Variants in PATJ observed in about 807,000 individuals in gnomAD.
PATJ encodes the protein inaD-like protein.
PATJ carries 190 observed loss-of-function variants against 224.9 expected under a neutral mutation model. The observed-to-expected ratio is 0.84, with a 90% CI of 0.75 to 0.95. The LOEUF (loss-of-function observed/expected upper bound fraction) is 0.95. Ranked by LOEUF, PATJ falls within the 40% of genes least tolerant of loss-of-function variation. The pLI is 0.00. For missense variants in PATJ, 2,121 were observed against 2,270.3 expected (o/e 0.93, Z 1.34); for synonymous variants, 769 against 820.3 (o/e 0.94, Z 1.07).
intron 10 of PATJ, among the ~76,000 whole-genome samples, chr1:61,796,745 T>TCTTTC (rs1651373659): frequency 7.1e-6 from 1 of 140,230 alleles, no homozygotes; most frequent in South Asian, 2.2e-4. Context: ...TCTTTCTTTT[T>TCTTTC]TTTCTTCCTT....
At chr1:62,111,348 A>T (rs945968268) in intron 34 of PATJ, among the ~76,000 whole-genome samples, 2 of 152,196 alleles carry the variant, frequency 1.3e-5, no homozygotes, top group Non-Finnish European at 2.9e-5. Flanking sequence ...GACAATGAAA[A>T]TGTATTCATT....
At chr1:61,746,675 C>T (rs544130489) in intron 1 of PATJ, among the ~76,000 whole-genome samples, 1 of 79,854 alleles carries the variant, frequency 1.3e-5, no homozygotes, top group African/African-American at 4.1e-5. Context: ...AAATTAAGCT[C>T]TATTCTGCAT....
chr1:61,760,982 C>G (rs559401669), intron 1 of PATJ, among the ~76,000 whole-genome samples: 1 of 150,750 alleles, frequency 6.6e-6, no homozygotes, highest in Admixed American at 6.6e-5. Flanking sequence ...GGGAATTTTT[C>G]TTTTATTTTT....
chr1:61,926,567 A>G (rs78673433), intron 26 of PATJ, among the ~76,000 whole-genome samples: 3,189 of 152,164 alleles, frequency 0.021, 81 homozygotes, highest in African/African-American at 0.055. Flanking sequence ...TTTTTTTTCA[A>G]CTTACAAGAA....
At chr1:61,908,929 A>G (rs1033425257) in intron 25 of PATJ, among the ~76,000 whole-genome samples, 2 of 152,226 alleles carry the variant, frequency 1.3e-5, no homozygotes, top group African/African-American at 2.4e-5. Context: ...TGTGTGTTCT[A>G]ATGTTGGAGA....
Position 61,856,110 on chromosome 1 carries a change from A to G in PATJ, c.2193A>G (p.Leu731=), listed in dbSNP as rs576695397. ...ADGVAERSGG[L]LPGDRLVSVN... Reference sequence around the variant, plus strand: ...GTGTAGCAGAAAGAAGTGGGGGACTATTACCTGGAGACCGCCTGGTCTCAG... The same window carrying G: ...GTGTAGCAGAAAGAAGTGGGGGACTGTTACCTGGAGACCGCCTGGTCTCAG... The change falls in exon 18 of 44, where the codon CTA becomes CTG. Residue 731 remains leucine, a synonymous_variant. Coordinates refer to ENST00000642238, the MANE Select transcript of PATJ (RefSeq NM_001350145.3). The G allele has an allele frequency of 5.6e-6, 9 of 1,614,008 alleles. No individual in the cohort carries two copies. Among genetic ancestry groups the G allele is most frequent in the South Asian group, 1.1e-5 (1 of 91,076 alleles).
intron 22 of PATJ, among the ~76,000 whole-genome samples, chr1:61,896,132 A>T (rs1338275924): frequency 6.6e-6 from 1 of 152,122 alleles, no homozygotes; most frequent in Admixed American, 6.6e-5. Context: ...CCCTGTCTCT[A>T]CTAAAAATAC....
intron 29 of PATJ, among the ~76,000 whole-genome samples, chr1:62,024,571 T>C (rs973187269): frequency 6.6e-6 from 1 of 151,884 alleles, no homozygotes; most frequent in Non-Finnish European, 1.5e-5. Context: ...TGAGCTTGCT[T>C]TTTTTCTTTT....
intron 27 of PATJ, among the ~76,000 whole-genome samples, chr1:61,947,076 TAA>T (rs949822322): frequency 1.3e-5 from 2 of 152,100 alleles, no homozygotes; most frequent in Admixed American, 1.3e-4. Flanking sequence ...CTCAAAATAA[TAA>T]GAGCTATTTA....
At chr1:61,955,010 C>T (rs1055539147) in intron 27 of PATJ, among the ~76,000 whole-genome samples, 4 of 152,164 alleles carry the variant, frequency 2.6e-5, no homozygotes, top group African/African-American at 9.7e-5. Flanking sequence ...GCCTCGGCCT[C>T]CCAAAGTGCT....
In PATJ at chr1:62,018,940, C is replaced by G. The variant is rs1174419973; in HGVS notation, c.3959+993C>G. On this transcript the variant is annotated intron_variant, in intron 29 of 43. Coordinates refer to ENST00000642238, the MANE Select transcript of PATJ (RefSeq NM_001350145.3). The surrounding 1 kb of genome is among the most constrained non-coding windows in gnomAD (Gnocchi z 4.2). ...AATATCCCTTCCCACTTCTACTTTG[C>G]TCCTGAAGAAATCCTACATTAGGGC... Among the ~76,000 whole-genome samples the G allele has an allele frequency of 1.3e-5, 2 of 152,082 alleles. No homozygotes were observed. Among genetic ancestry groups the G allele is most frequent in the Admixed American group, 6.6e-5 (1 of 15,250 alleles).
At chr1:62,125,689 A>G (rs1665649307) in intron 39 of PATJ, among the ~76,000 whole-genome samples, 1 of 152,264 alleles carries the variant, frequency 6.6e-6, no homozygotes, top group East Asian at 1.9e-4. Flanking sequence ...TAGTCATTTC[A>G]GCCACTTGTT....
intron 15 of PATJ, 57 bp from the exon 16 acceptor site, chr1:61,827,365 T>C: frequency 7.0e-7 from 1 of 1,422,958 alleles, no homozygotes; most frequent in Non-Finnish European, 9.4e-7. Flanking sequence ...AAATAAGAGA[T>C]TTTTGTTTTT....
At chr1:61,847,842 A>G (rs535871638) in intron 17 of PATJ, among the ~76,000 whole-genome samples, 27 of 152,352 alleles carry the variant, frequency 1.8e-4, no homozygotes, top group Admixed American at 6.5e-4. Flanking sequence ...GGTTCCTGAC[A>G]TGGCTTCTGT....
chr1:62,036,702 A>T (rs1650444694), intron 29 of PATJ, among the ~76,000 whole-genome samples: 1 of 151,704 alleles, frequency 6.6e-6, no homozygotes, highest in African/African-American at 2.4e-5. Context: ...TGGGGTATAA[A>T]TTAAATAAAG....
At chr1:62,065,485 G>T (rs1233839174) in intron 31 of PATJ, among the ~76,000 whole-genome samples, 1 of 152,126 alleles carries the variant, frequency 6.6e-6, no homozygotes, top group Non-Finnish European at 1.5e-5. Context: ...GTTGGCGCTT[G>T]CCTGTAATTC....
At chr1:61,792,517 T>C (rs946898744) in intron 9 of PATJ, among the ~76,000 whole-genome samples, 6 of 152,116 alleles carry the variant, frequency 3.9e-5, no homozygotes, top group African/African-American at 1.4e-4. Context: ...ATTTTACTTC[T>C]TTTGTTTGTT....
At chr1:61,801,795 A>T (rs757221986) in intron 12 of PATJ, 26 bp downstream of exon 12, 2 of 1,465,448 alleles carry the variant, frequency 1.4e-6, no homozygotes, top group African/African-American at 1.4e-5. Flanking sequence ...TCACTTTGCG[A>T]TAACAGACTT....
chr1:61,861,746 A>G (rs1195224351), intron 19 of PATJ, 79 bp downstream of exon 19: 1 of 635,624 alleles, frequency 1.6e-6, no homozygotes, highest in Non-Finnish European at 2.7e-6. Context: ...AAAAGAAAAT[A>G]AGACAAAAGC....
Sources: allele counts gnomAD v4.1 joint callset (sites outside exome capture counted in the v4.1 genomes callset), GRCh38; gene constraint gnomAD v4.1.1; non-coding constraint Gnocchi (gnomAD v3.1); transcripts MANE v1.5; gene names NCBI Gene and HGNC (gene_info 2026-07-23, HGNC 2026-07-21).